Variants in CDH7 observed in about 807,000 individuals in gnomAD.
CDH7 encodes cadherin 7, also known as cadherin-7.
CDH7 carries 25 observed loss-of-function variants against 71.8 expected under a neutral mutation model. The observed-to-expected ratio is 0.35, with a 90% CI of 0.25 to 0.49. The LOEUF (loss-of-function observed/expected upper bound fraction) is 0.49, where lower values mean the gene tolerates loss of function less well. Ranked by LOEUF, CDH7 falls within the 20% of genes least tolerant of loss-of-function variation. The probability of loss-of-function intolerance (pLI) is 0.99; values close to 1 mark genes in which losing one functional copy is unlikely to be tolerated. For synonymous variants in CDH7, 381 were observed against 363.8 expected (o/e 1.05, Z -0.54); for missense variants, 862 against 974.6 (o/e 0.88, Z 1.54).
At chr18:65,875,498 A>G (rs2144063016) in intron 11 of CDH7, among the ~76,000 whole-genome samples, 1 of 152,328 alleles carries the variant, frequency 6.6e-6, no homozygotes, top group South Asian at 2.1e-4. Flanking sequence ...TGTGTTTTAC[A>G]CATCAATATT....
chr18:65,840,371 G>A (rs1172256899), intron 6 of CDH7, among the ~76,000 whole-genome samples: 1 of 151,376 alleles, frequency 6.6e-6, no homozygotes, highest in East Asian at 2.0e-4. Flanking sequence ...GTCATTCTGG[G>A]AACCCTAGAG....
chr18:65,861,290 T>C (rs1178994843), intron 10 of CDH7, among the ~76,000 whole-genome samples: 1 of 151,632 alleles, frequency 6.6e-6, no homozygotes, highest in Non-Finnish European at 1.5e-5. Flanking sequence ...TATTCTCACT[T>C]TTTGGGCATT....
At chr18:65,825,864 A>G (rs1012548931) in intron 6 of CDH7, among the ~76,000 whole-genome samples, 3 of 151,830 alleles carry the variant, frequency 2.0e-5, no homozygotes, top group Non-Finnish European at 4.4e-5. Context: ...AACTGTTGGT[A>G]AAATGTTTTG....
At chr18:65,844,092 A>G (rs200507502) in intron 7 of CDH7, 27 bp downstream of exon 7, 8 of 1,601,894 alleles carry the variant, frequency 5.0e-6, no homozygotes, top group East Asian at 4.5e-5. Context: ...GTCCTTTTCT[A>G]TGGTTTTACA....
intron 2 of CDH7, among the ~76,000 whole-genome samples, chr18:65,804,698 A>ATGTGTGTGTG (rs1911248919): frequency 2.6e-5 from 1 of 38,776 alleles, no homozygotes; most frequent in Non-Finnish European, 7.8e-5. Context: ...CCCTTAACAC[A>ATGTGTGTGTG]CGTGTGTGTG....
intron 4 of CDH7, among the ~76,000 whole-genome samples, chr18:65,821,037 G>A (rs890286875): frequency 6.6e-5 from 10 of 151,952 alleles, no homozygotes; most frequent in Non-Finnish European, 1.3e-4. Flanking sequence ...AATGAAATAT[G>A]TGTTGGTCAT....
rs1914436508 is a variant in CDH7 at position 65,888,746 on chromosome 18, C to CAT, written c.*7853_*7854insTA. 2.0e-5 allele frequency: 3 copies of CAT among 151,206 alleles called. No individual in the cohort carries two copies. Among genetic ancestry groups the CAT allele is most frequent in the Admixed American group, 2.0e-4 (3 of 15,146 alleles). 9.4% of individuals were successfully genotyped at this position (151,206 alleles called of 1,614,324 possible). A position where few individuals can be genotyped will look rare whatever the true frequency, so the allele number is the denominator to read the frequency against. On this transcript the variant is annotated 3_prime_UTR_variant, in exon 12 of 12. Transcript: ENST00000397968. Reference sequence around the variant, plus strand: ...AGAATAACTGTAACTTATGCAAACACACACACACACACACACACTCACACA... The same window carrying CAT: ...AGAATAACTGTAACTTATGCAAACACATACACACACACACACACACTCACACA...
chr18:65,834,113 G>T (rs765218828), intron 6 of CDH7, among the ~76,000 whole-genome samples: 13 of 152,146 alleles, frequency 8.5e-5, no homozygotes, highest in Admixed American at 3.3e-4. Context: ...AGATATTTAA[G>T]AAATAGATAG....
At chr18:65,771,910 A>G (rs753667398) in intron 2 of CDH7, among the ~76,000 whole-genome samples, 11 of 152,136 alleles carry the variant, frequency 7.2e-5, no homozygotes, top group Non-Finnish European at 1.5e-4. Flanking sequence ...CTTTTTTAAG[A>G]TAAATGCGGA....
rs555692907 is a variant in CDH7 at position 65,800,014 on chromosome 18, G to A, written c.211-9690G>A. On this transcript the variant is annotated intron_variant, in intron 2 of 11. Coordinates refer to ENST00000397968, the MANE Select transcript of CDH7 (RefSeq NM_004361.5). ...TACAGAAAGGACAGTTCCCTTTTGAGTAAAATATATAAAACAAATCAAAAC... is the reference window on the plus strand; with the variant it reads ...TACAGAAAGGACAGTTCCCTTTTGAATAAAATATATAAAACAAATCAAAAC... Among the ~76,000 whole-genome samples, 4 of 152,240 alleles carry A rather than the reference G, an allele frequency of 2.6e-5. No homozygotes were observed. The South Asian group carries it at 6.2e-4, about 24-fold the overall frequency.
At chr18:65,753,970 A>G (rs1302918560) in intron 1 of CDH7, among the ~76,000 whole-genome samples, 1 of 152,222 alleles carries the variant, frequency 6.6e-6, no homozygotes, top group East Asian at 1.9e-4. Flanking sequence ...GAAGTCACAT[A>G]AATCACACGT....
chr18:65,816,029 A>G (rs537456451), intron 4 of CDH7, among the ~76,000 whole-genome samples: 2 of 152,282 alleles, frequency 1.3e-5, no homozygotes, highest in East Asian at 3.9e-4. Context: ...TTTGCTGCAA[A>G]ATAACAGGAT....
intron 2 of CDH7, among the ~76,000 whole-genome samples, chr18:65,768,008 G>C (rs985076962): frequency 3.3e-5 from 5 of 152,108 alleles, no homozygotes; most frequent in Middle Eastern, 3.2e-3. Context: ...CTAAAAGTTG[G>C]ACAGAGTGGA....
chr18:65,787,035 G>A (rs1285631360), intron 2 of CDH7, among the ~76,000 whole-genome samples: 1 of 150,884 alleles, frequency 6.6e-6, no homozygotes, highest in Non-Finnish European at 1.5e-5. Context: ...TTTTTTCCCT[G>A]ACACAAGACT....
At chr18:65,756,450 C>G (rs181131891) in intron 1 of CDH7, among the ~76,000 whole-genome samples, 5 of 152,324 alleles carry the variant, frequency 3.3e-5, no homozygotes, top group Admixed American at 2.6e-4. Flanking sequence ...CTTGGACTAT[C>G]ATTCTCCATC....
At chr18:65,778,549 T>A (rs888536076) in intron 2 of CDH7, among the ~76,000 whole-genome samples, 2 of 146,802 alleles carry the variant, frequency 1.4e-5, no homozygotes, top group East Asian at 1.9e-4. Flanking sequence ...TTTTTTTTTT[T>A]ACATAAAAAT....
intron 2 of CDH7, among the ~76,000 whole-genome samples, chr18:65,770,296 G>C (rs540962303): frequency 6.6e-6 from 1 of 152,206 alleles, no homozygotes; most frequent in Non-Finnish European, 1.5e-5. Flanking sequence ...GTTAAAATAA[G>C]AGCTTTCTCC....
At chr18:65,831,881 A>G (rs940589219) in intron 6 of CDH7, among the ~76,000 whole-genome samples, 6 of 152,058 alleles carry the variant, frequency 3.9e-5, no homozygotes, top group African/African-American at 1.2e-4. Context: ...CGAGATAAAC[A>G]ATGGAATGCT....
At chr18:65,864,115 AT>A (rs753222294) in intron 11 of CDH7, 13 of 152,368 alleles carry the variant, frequency 8.5e-5, no homozygotes, top group South Asian at 6.2e-4. Flanking sequence ...TATATTTTGC[AT>A]AGAACTTTAC....
Sources: gnomAD v4.1 joint callset for allele counts (sites outside exome capture counted in the v4.1 genomes callset) on GRCh38, gnomAD v4.1.1 for gene constraint, MANE v1.5 for transcripts, NCBI Gene and HGNC (gene_info 2026-07-23, HGNC 2026-07-21) for gene names.